Variants in EPHX4 observed in about 807,000 individuals in gnomAD.
EPHX4 encodes epoxide hydrolase 4, also known as abhydrolase domain containing 7.
EPHX4 carries 31 observed loss-of-function variants against 44.9 expected under a neutral mutation model. The observed-to-expected ratio is 0.69, with a 90% CI of 0.52 to 0.93. The LOEUF (loss-of-function observed/expected upper bound fraction) is 0.93. Ranked by LOEUF, EPHX4 falls within the 40% of genes least tolerant of loss-of-function variation. EPHX4 has a pLI of 0.00. For synonymous variants in EPHX4, 151 were observed against 159.7 expected (o/e 0.95, Z 0.41); for missense variants, 373 against 438.1 (o/e 0.85, Z 1.33).
intron 2 of EPHX4, among the ~76,000 whole-genome samples, chr1:92,039,094 A>G (rs914642372): frequency 1.5e-4 from 23 of 152,248 alleles, no homozygotes; most frequent in Admixed American, 6.5e-4. Context: ...TCTTTTTGTT[A>G]TAAAGCAAAT....
chr1:92,061,380 T>C (rs1258280834), intron 6 of EPHX4, among the ~76,000 whole-genome samples: 3 of 152,218 alleles, frequency 2.0e-5, no homozygotes, highest in African/African-American at 7.2e-5. Flanking sequence ...TTTTATTCAC[T>C]AGTAAAAATG....
Position 92,030,166 on chromosome 1 carries a change from GCTCTGCGC to G in EPHX4, c.91_98del (p.Cys31HisfsTer84). The G allele has an allele frequency of 6.2e-7, 1 of 1,612,524 alleles. No individual in the cohort carries two copies. The highest frequency in any genetic ancestry group is 8.5e-7 in the Non-Finnish European group (1 of 1,179,356). Reference sequence around the variant, plus strand: ...GGTCCCTGGTCTACTGCTACTGCGGGCTCTGCGCCTCCATCCACCTGCTCAAACTTTTG... The same window carrying G: ...GGTCCCTGGTCTACTGCTACTGCGGGCTCCATCCACCTGCTCAAACTTTTG... On this transcript the variant is annotated frameshift_variant, in exon 1 of 7. Transcript: ENST00000370383. LOFTEE classifies it high-confidence loss of function.
chr1:92,060,156 C>T (rs1647464160), intron 6 of EPHX4, among the ~76,000 whole-genome samples: 1 of 152,016 alleles, frequency 6.6e-6, no homozygotes, highest in Admixed American at 6.6e-5. Context: ...TCCCTGTAAT[C>T]CTAGCACTTT....
intron 5 of EPHX4, among the ~76,000 whole-genome samples, chr1:92,052,309 G>A (rs1557885490): frequency 6.6e-6 from 1 of 152,038 alleles, no homozygotes; most frequent in African/African-American, 2.4e-5. Context: ...GATTAGAAGG[G>A]AAGAATATAG....
rs368927407 is a variant in EPHX4, at chr1:92,050,328, C to T, written c.616C>T (p.Arg206Ter). 81 of 1,598,272 alleles carry T rather than the reference C, an allele frequency of 5.1e-5. No homozygotes were observed. Among genetic ancestry groups the T allele is most frequent in the Non-Finnish European group, 6.7e-5 (78 of 1,170,754 alleles). ...CATTTTAATTTCAGAATATATTTTA[C>T]GACACCCTGCTCAGCTGTTGAAATC... ...HPNVFTEYIL[R>*]HPAQLLKSSY... is the part of the protein sequence containing the mutation. The change falls in exon 5 of 7, where the codon CGA becomes TGA. Residue 206 changes from arginine (R) to a stop codon, truncating the protein, a stop_gained. Coordinates refer to ENST00000370383, the MANE Select transcript of EPHX4 (RefSeq NM_173567.5). LOFTEE classifies it high-confidence loss of function.
At chr1:92,032,308 C>G (rs192772216) in intron 1 of EPHX4, among the ~76,000 whole-genome samples, 197 bp from the exon 2 acceptor site, 5 of 152,152 alleles carry the variant, frequency 3.3e-5, no homozygotes, top group Admixed American at 6.5e-5. Context: ...GTTTGCTTTT[C>G]TTTTTGAAAA....
At chr1:92,059,665 A>G (rs1282259171) in intron 6 of EPHX4, among the ~76,000 whole-genome samples, 2 of 152,228 alleles carry the variant, frequency 1.3e-5, no homozygotes, top group Admixed American at 6.5e-5. Flanking sequence ...ATACAAAATT[A>G]TGGTCTCACA....
At position 92,040,837 on chromosome 1, in the gene EPHX4, C is replaced by T. The variant is rs373802129; in HGVS notation, c.318-1986C>T. 1.6e-4 allele frequency among the ~76,000 whole-genome samples: 24 copies of T among 152,106 alleles called. 1 individual carries two copies. The East Asian group carries it at 2.3e-3, about 15-fold the overall frequency. ...CTCTCAGGCTTATAATCTTATATTA[C>T]AATCTTTACACTGGTTTATAATCTT... On this transcript the variant is annotated intron_variant, in intron 2 of 6. Transcript: ENST00000370383.
intron 2 of EPHX4, among the ~76,000 whole-genome samples, chr1:92,039,377 A>C (rs898937987): frequency 2.0e-5 from 3 of 152,218 alleles, no homozygotes; most frequent in African/African-American, 7.2e-5. Flanking sequence ...AGAATGGTAG[A>C]CAAGAGTGTT....
intron 5 of EPHX4, among the ~76,000 whole-genome samples, chr1:92,050,730 TAAAA>T (rs879862541): frequency 6.9e-6 from 1 of 145,026 alleles, no homozygotes; most frequent in Non-Finnish European, 1.5e-5. Context: ...ACTTCGGGGT[TAAAA>T]AAAAAAAGCC....
chr1:92,037,418 C>T (rs1379402194), intron 2 of EPHX4, among the ~76,000 whole-genome samples: 2 of 152,196 alleles, frequency 1.3e-5, no homozygotes, highest in African/African-American at 4.8e-5. Flanking sequence ...ACAAGATACA[C>T]ATCTACAGGA....
chr1:92,058,385 G>T (rs1457851783), intron 6 of EPHX4, among the ~76,000 whole-genome samples: 2 of 151,398 alleles, frequency 1.3e-5, no homozygotes, highest in African/African-American at 4.9e-5. Flanking sequence ...AGGTTGTGGT[G>T]AGCCAAGGTC....
At chr1:92,041,908 G>A (rs1688513538) in intron 2 of EPHX4, among the ~76,000 whole-genome samples, 1 of 152,154 alleles carries the variant, frequency 6.6e-6, no homozygotes, top group South Asian at 2.1e-4. Context: ...AATTAGCCAG[G>A]TGTGGTGGCA....
intron 5 of EPHX4, among the ~76,000 whole-genome samples, chr1:92,051,976 T>G (rs548631848): frequency 6.6e-6 from 1 of 152,382 alleles, no homozygotes; most frequent in Admixed American, 6.5e-5. Flanking sequence ...TCATTCTTTT[T>G]CTTTTTACAA....
At chr1:92,059,945 G>A (rs946884401) in intron 6 of EPHX4, among the ~76,000 whole-genome samples, 1 of 150,182 alleles carries the variant, frequency 6.7e-6, no homozygotes, top group East Asian at 2.0e-4. Context: ...CTCCAGCCTC[G>A]AACTCCTGGC....
At chr1:92,030,628 C>A (rs929118157) in intron 1 of EPHX4, among the ~76,000 whole-genome samples, 12 of 152,094 alleles carry the variant, frequency 7.9e-5, no homozygotes, top group African/African-American at 2.7e-4. Context: ...CCAGAATAAA[C>A]CTGCTCTTTT....
rs549025289 is a variant in EPHX4, at chr1:92,055,572, G to A, written c.857+2914G>A. Reference sequence around the variant, plus strand: ...ATCAAGCAAGGCAATGGTTAGAAAGGCAGATAGATTGCAGAGGCTACAGGT... The same window carrying A: ...ATCAAGCAAGGCAATGGTTAGAAAGACAGATAGATTGCAGAGGCTACAGGT... On this transcript the variant is annotated intron_variant, in intron 6 of 6. Transcript: ENST00000370383. 8.2e-4 allele frequency among the ~76,000 whole-genome samples: 125 copies of A among 152,232 alleles called. 1 individual carries two copies. The Middle Eastern group carries it at 0.017, about 21-fold the overall frequency.
At chr1:92,045,482 C>T (rs771944614) in intron 3 of EPHX4, 50 bp from the exon 4 acceptor site, 15 of 1,604,366 alleles carry the variant, frequency 9.3e-6, no homozygotes, top group South Asian at 1.1e-5. Flanking sequence ...GGTAACAGTG[C>T]ACCCACCTGT....
chr1:92,048,828 T>C (rs1381750413), intron 4 of EPHX4, among the ~76,000 whole-genome samples: 3 of 151,918 alleles, frequency 2.0e-5, no homozygotes, highest in Non-Finnish European at 2.9e-5. Flanking sequence ...CAAGTGATCC[T>C]CCCACCTCAG....
Sources: gnomAD v4.1 joint callset for allele counts (sites outside exome capture counted in the v4.1 genomes callset) on GRCh38, gnomAD v4.1.1 for gene constraint, MANE v1.5 for transcripts, NCBI Gene and HGNC (gene_info 2026-07-23, HGNC 2026-07-21) for gene names.